Variants in FTCDNL1 observed in about 807,000 individuals in gnomAD.
FTCDNL1 encodes the protein formiminotransferase cyclodeaminase N-terminal like.
Under a neutral mutation model 5.9 loss-of-function variants are expected in FTCDNL1, and 11 were observed. The ratio of observed to expected loss-of-function variants is 1.87; its 90% confidence interval spans 1.18 to 3.10. FTCDNL1 has a LOEUF of 3.10. Ranked by LOEUF, FTCDNL1 falls within the 30% of genes most tolerant of loss-of-function variation. The pLI is 0.00. For missense variants in FTCDNL1, 115 were observed against 65.5 expected (o/e 1.76, Z -2.61); for synonymous variants, 58 against 24.8 (o/e 2.34, Z -3.99).
At chr2:199,754,450 G>A in the FTCDNL1 span, among the ~76,000 whole-genome samples, 1 of 152,160 alleles carries the variant, frequency 6.6e-6, no homozygotes, top group African/African-American at 2.4e-5. Flanking sequence ...CTGCAGATGG[G>A]AGGAGTCTAG....
At chr2:199,780,440 T>G (rs1699308132) in intron 3 of FTCDNL1, among the ~76,000 whole-genome samples, 1 of 152,222 alleles carries the variant, frequency 6.6e-6, no homozygotes. Context: ...CACCCCCATG[T>G]GCTTCATGTA....
At chr2:199,764,680 G>A (rs1395274260) in intron 3 of FTCDNL1, among the ~76,000 whole-genome samples, 4 of 152,190 alleles carry the variant, frequency 2.6e-5, no homozygotes, top group African/African-American at 4.8e-5. Flanking sequence ...TGAGTCCAGC[G>A]AAATCGGAGG....
intron 3 of FTCDNL1, among the ~76,000 whole-genome samples, chr2:199,801,765 C>T (rs960413494): frequency 4.0e-5 from 6 of 151,812 alleles, no homozygotes; most frequent in Non-Finnish European, 7.4e-5. Flanking sequence ...CGTGAAACCC[C>T]GTCTGTATTA....
At chr2:199,766,558 T>C (rs1698545452) in intron 3 of FTCDNL1, among the ~76,000 whole-genome samples, 1 of 152,238 alleles carries the variant, frequency 6.6e-6, no homozygotes, top group Non-Finnish European at 1.5e-5. Context: ...CAGAAATATG[T>C]AGATAATCAC....
At position 199,829,178 on chromosome 2, in the gene FTCDNL1, G is replaced by GT. The variant is rs923781960; in HGVS notation, c.212-9422dup. 1.3e-5 allele frequency among the ~76,000 whole-genome samples: 2 copies of GT among 151,950 alleles called. 1 individual carries two copies. On this transcript the variant is annotated intron_variant, in intron 3 of 4. Transcript: ENST00000420128. ...TAAATCACTCTTTATTAAAAGACCAGTTTTTTTTAGGTTATTTTTTTCCCC... is the reference window on the plus strand; with the variant it reads ...TAAATCACTCTTTATTAAAAGACCAGTTTTTTTTTAGGTTATTTTTTTCCCC...
the FTCDNL1 span, among the ~76,000 whole-genome samples, chr2:199,666,534 G>A: frequency 1.3e-5 from 2 of 152,236 alleles, no homozygotes; most frequent in East Asian, 1.9e-4. Context: ...TCAATGATTG[G>A]ACAGCCATTA....
At chr2:199,771,029 G>A (rs1403283739) in intron 3 of FTCDNL1, among the ~76,000 whole-genome samples, 2 of 152,228 alleles carry the variant, frequency 1.3e-5, no homozygotes, top group Non-Finnish European at 2.9e-5. Flanking sequence ...CTGAAGGCAA[G>A]TTCCTTGTAA....
At chr2:199,696,859 A>T in the FTCDNL1 span, among the ~76,000 whole-genome samples, 1 of 152,218 alleles carries the variant, frequency 6.6e-6, no homozygotes, top group Non-Finnish European at 1.5e-5. Flanking sequence ...AATGAAGATT[A>T]TTGAGATTCA....
intron 3 of FTCDNL1, among the ~76,000 whole-genome samples, chr2:199,777,996 C>T (rs915341904): frequency 3.9e-5 from 6 of 152,036 alleles, no homozygotes; most frequent in Admixed American, 6.6e-5. Flanking sequence ...AAAAATATAA[C>T]GATAGAAGTA....
chr2:199,744,292 TTTAA>T, the FTCDNL1 span, among the ~76,000 whole-genome samples: 1 of 152,216 alleles, frequency 6.6e-6, no homozygotes, highest in East Asian at 1.9e-4. Flanking sequence ...TGTGACTATA[TTTAA>T]AGATACGGCC....
chr2:199,742,541 C>T, the FTCDNL1 span, among the ~76,000 whole-genome samples: 1 of 152,146 alleles, frequency 6.6e-6, no homozygotes. Context: ...CTTGATGATA[C>T]TACTACTAAT....
intron 3 of FTCDNL1, among the ~76,000 whole-genome samples, chr2:199,799,437 TAG>T (rs1279790792): frequency 6.6e-6 from 1 of 152,184 alleles, no homozygotes; most frequent in East Asian, 1.9e-4. Context: ...TCTGCTTCTG[TAG>T]ATGTGGCTAC....
chr2:199,819,209 A>G (rs1024320533), intron 4 of FTCDNL1: 19 of 194,358 alleles, frequency 9.8e-5, no homozygotes, highest in African/African-American at 4.4e-4. Flanking sequence ...CTCCCTCTCC[A>G]GGTGTCTCCA....
the FTCDNL1 span, among the ~76,000 whole-genome samples, chr2:199,711,699 A>G: frequency 1.3e-5 from 2 of 152,160 alleles, no homozygotes; most frequent in East Asian, 3.8e-4. Flanking sequence ...GGGACTGTTG[A>G]AAAAAGGCTA....
chr2:199,716,507 G>A, the FTCDNL1 span, among the ~76,000 whole-genome samples: 1 of 152,122 alleles, frequency 6.6e-6, no homozygotes. Context: ...TGAAGAAAAC[G>A]TGGAAGGCAT....
At chr2:199,738,952 A>G in the FTCDNL1 span, among the ~76,000 whole-genome samples, 1 of 152,322 alleles carries the variant, frequency 6.6e-6, no homozygotes, top group East Asian at 1.9e-4. Flanking sequence ...TATTTCAGTT[A>G]AATTTCGTAA....
chr2:199,792,200 G>C (rs1699967088), intron 3 of FTCDNL1, among the ~76,000 whole-genome samples: 1 of 152,018 alleles, frequency 6.6e-6, no homozygotes, highest in Admixed American at 6.5e-5. Flanking sequence ...ACCAATATTT[G>C]AAATATGAAG....
chr2:199,697,404 G>T, the FTCDNL1 span, among the ~76,000 whole-genome samples: 3 of 152,030 alleles, frequency 2.0e-5, no homozygotes, highest in Non-Finnish European at 2.9e-5. Context: ...CCTAAAAAGG[G>T]AACCCCATGA....
intron 3 of FTCDNL1, among the ~76,000 whole-genome samples, chr2:199,831,047 T>G (rs1702339272): frequency 6.6e-6 from 1 of 152,210 alleles, no homozygotes; most frequent in Non-Finnish European, 1.5e-5. Flanking sequence ...TACTGTTTAC[T>G]CCATCATGTT....
Sources: allele counts gnomAD v4.1 joint callset (sites outside exome capture counted in the v4.1 genomes callset), GRCh38; gene constraint gnomAD v4.1.1; transcripts MANE v1.5; gene names NCBI Gene and HGNC (gene_info 2026-07-23, HGNC 2026-07-21).